The following ARFGEF1 variants were observed in gnomAD, a reference collection of about 807,000 sequenced individuals.
ARFGEF1 encodes the protein brefeldin A-inhibited guanine nucleotide-exchange protein 1.
In ARFGEF1, 42 loss-of-function variants were observed where a neutral mutation model predicts 231.0. The observed-to-expected ratio is 0.18, with a 90% CI of 0.14 to 0.24. ARFGEF1 has a LOEUF of 0.24. Among genes scored for constraint, ARFGEF1 ranks in the 10% least tolerant of loss-of-function variants. The probability of loss-of-function intolerance (pLI) is 1.00; values close to 1 mark genes in which losing one functional copy is unlikely to be tolerated. For missense variants in ARFGEF1, 1,345 were observed against 2,192.0 expected, an observed-to-expected ratio of 0.61 and a Z score of 7.72; for synonymous variants, 710 against 732.3, an observed-to-expected ratio of 0.97 and a Z score of 0.49.
At chr8:67,271,444 A>G (rs1006843846) in intron 10 of ARFGEF1, among the ~76,000 whole-genome samples, 1 of 152,212 alleles carries the variant, frequency 6.6e-6, no homozygotes, top group African/African-American at 2.4e-5. Context: ...CAAGAGAGCA[A>G]GAACCATTTA....
At chr8:67,185,704 G>C (rs1438781880) in intron 5 of ARFGEF1, among the ~76,000 whole-genome samples, 2 of 152,074 alleles carry the variant, frequency 1.3e-5, no homozygotes, top group Non-Finnish European at 2.9e-5. Context: ...AGGTTCCAAA[G>C]AAAAAAGTAA....
intron 1 of ARFGEF1, among the ~76,000 whole-genome samples, chr8:67,329,989 A>G (rs1208746927): frequency 6.6e-6 from 1 of 152,096 alleles, no homozygotes; most frequent in Non-Finnish European, 1.5e-5. Flanking sequence ...TTAATAACAC[A>G]AAACTGAAAA....
At chr8:67,195,658 A>G, downstream of ARFGEF1, 1 of 1,400,622 alleles carries the variant, frequency 7.1e-7, no homozygotes, top group Admixed American at 1.9e-5. Flanking sequence ...CTGTACCTTT[A>G]ATATGTCCTA....
intron 4 of ARFGEF1, among the ~76,000 whole-genome samples, chr8:67,298,665 C>A (rs1329936856): frequency 6.6e-6 from 1 of 152,156 alleles, no homozygotes; most frequent in African/African-American, 2.4e-5. Context: ...TAAACTGAGA[C>A]CTTCAAAAGA....
At chr8:67,189,686 C>T (rs1032130830) in intron 5 of ARFGEF1, among the ~76,000 whole-genome samples, 1 of 152,122 alleles carries the variant, frequency 6.6e-6, no homozygotes, top group African/African-American at 2.4e-5. Context: ...AGGATAAACA[C>T]TGAAATATTG....
chr8:67,300,092 A>G (rs1190331265), intron 3 of ARFGEF1, among the ~76,000 whole-genome samples: 1 of 152,204 alleles, frequency 6.6e-6, no homozygotes, highest in Non-Finnish European at 1.5e-5. Flanking sequence ...TGATTCATCA[A>G]TATGTATAAA....
chr8:67,282,987 C>A (rs776646884), intron 7 of ARFGEF1, among the ~76,000 whole-genome samples: 2 of 150,612 alleles, frequency 1.3e-5, no homozygotes, highest in Non-Finnish European at 3.0e-5. Context: ...AAAATAAGAA[C>A]AAAAGAAAGA....
chr8:67,259,766 A>G (rs754909554), intron 15 of ARFGEF1, 49 bp downstream of exon 15: 2 of 1,409,816 alleles, frequency 1.4e-6, no homozygotes, highest in African/African-American at 2.9e-5. Context: ...AAGAAAAAAA[A>G]ATCCCAAGAA....
At chr8:67,240,315 T>A in intron 19 of ARFGEF1, 25 bp from the exon 20 acceptor site, 1 of 1,566,532 alleles carries the variant, frequency 6.4e-7, no homozygotes, top group East Asian at 2.3e-5. Flanking sequence ...AATTGTATTT[T>A]AATTAAAGAT....
chr8:67,334,188 G>T (rs1396459823), intron 1 of ARFGEF1, among the ~76,000 whole-genome samples: 2 of 146,178 alleles, frequency 1.4e-5, no homozygotes, highest in African/African-American at 5.0e-5. Context: ...TTTGGATTGT[G>T]TATAAGGTGG....
chr8:67,195,463 C>T, downstream of ARFGEF1: 1 of 1,614,142 alleles, frequency 6.2e-7, no homozygotes, highest in Non-Finnish European at 8.5e-7. Context: ...GCAACTGAGC[C>T]CTGGCTCCGC....
chr8:67,237,753 G>T (rs1839814503), intron 22 of ARFGEF1, among the ~76,000 whole-genome samples: 1 of 152,154 alleles, frequency 6.6e-6, no homozygotes, highest in Non-Finnish European at 1.5e-5. Context: ...AAAAAATACA[G>T]AAGAATTCAA....
chr8:67,258,016 C>G, intron 16 of ARFGEF1, 69 bp downstream of exon 16: 1 of 1,415,200 alleles, frequency 7.1e-7, no homozygotes, highest in Non-Finnish European at 9.9e-7. Context: ...ATCTGTAAAT[C>G]CCTGGATGCT....
chr8:67,335,424 ATTG>A (rs1208665882), intron 1 of ARFGEF1, among the ~76,000 whole-genome samples: 2 of 151,988 alleles, frequency 1.3e-5, no homozygotes, highest in Non-Finnish European at 2.9e-5. Context: ...AGTAAATTTT[ATTG>A]TTGTAGTTAC....
chr8:67,184,943 C>CAAAA (rs796384901), intron 5 of ARFGEF1, among the ~76,000 whole-genome samples: 25 of 56,058 alleles, frequency 4.5e-4, no homozygotes, highest in East Asian at 2.1e-3. Context: ...ACTAAAAATA[C>CAAAA]AAAAAAAAAA....
intron 5 of ARFGEF1, among the ~76,000 whole-genome samples, chr8:67,184,100 G>A (rs1481279937): frequency 1.3e-5 from 2 of 152,038 alleles, no homozygotes; most frequent in African/African-American, 4.8e-5. Context: ...TGATCCCCCG[G>A]CCTTGGCCTC....
chr8:67,186,763 T>C (rs1834718640), intron 5 of ARFGEF1, among the ~76,000 whole-genome samples: 1 of 152,206 alleles, frequency 6.6e-6, no homozygotes, highest in African/African-American at 2.4e-5. Flanking sequence ...TGATTGTCTA[T>C]AGAAAATCTG....
At chr8:67,307,673 C>T (rs1806812384) in intron 1 of ARFGEF1, among the ~76,000 whole-genome samples, 1 of 152,102 alleles carries the variant, frequency 6.6e-6, no homozygotes. Flanking sequence ...ATTCAAGTGG[C>T]AATATTCAGC....
At chr8:67,284,137 T>C (rs567841806) in intron 7 of ARFGEF1, among the ~76,000 whole-genome samples, 4 of 152,282 alleles carry the variant, frequency 2.6e-5, no homozygotes, top group African/African-American at 7.2e-5. Context: ...GGTAGTATTA[T>C]GCAGAAAACC....
Sources: allele counts gnomAD v4.1 joint callset (sites outside exome capture counted in the v4.1 genomes callset), GRCh38; gene constraint gnomAD v4.1.1; transcripts MANE v1.5; gene names NCBI Gene and HGNC (gene_info 2026-07-23, HGNC 2026-07-21).